Variants in AGBL1 observed in about 807,000 individuals in gnomAD.
AGBL1 encodes AGBL carboxypeptidase 1.
A neutral mutation model predicts 118.9 loss-of-function variants in AGBL1; 130 were observed. That is an observed-to-expected ratio of 1.09 (90% confidence interval 0.95 to 1.26). The LOEUF (loss-of-function observed/expected upper bound fraction) is 1.26. AGBL1 is among the 50% of genes most tolerant of loss of function. AGBL1 has a pLI of 0.00. For missense variants in AGBL1, 1,584 were observed against 1,298.1 expected (o/e 1.22, Z -3.38); for synonymous variants, 555 against 478.9 (o/e 1.16, Z -2.08).
intron 23 of AGBL1, among the ~76,000 whole-genome samples, chr15:86,962,434 T>C (rs1021947350): frequency 6.6e-6 from 1 of 152,126 alleles, no homozygotes; most frequent in Admixed American, 6.6e-5. Flanking sequence ...AACATCTTTT[T>C]TTTAATCATA....
chr15:86,745,583 G>A (rs1443811428), intron 22 of AGBL1, among the ~76,000 whole-genome samples: 1 of 151,936 alleles, frequency 6.6e-6, no homozygotes, highest in African/African-American at 2.4e-5. Context: ...GGCATTGAGG[G>A]CCTGGCATTT....
chr15:86,110,474 G>A (rs573972358), intron 1 of AGBL1, among the ~76,000 whole-genome samples: 2 of 152,178 alleles, frequency 1.3e-5, no homozygotes, highest in African/African-American at 2.4e-5. Flanking sequence ...TCATCTTAAG[G>A]GTCTTCATCC....
intron 23 of AGBL1, among the ~76,000 whole-genome samples, chr15:86,975,415 C>T (rs546501993): frequency 6.6e-6 from 1 of 152,168 alleles, no homozygotes; most frequent in East Asian, 1.9e-4. Flanking sequence ...GAGAAAGACC[C>T]ATCCCCATGA....
At chr15:86,812,055 G>T (rs542721530) in intron 22 of AGBL1, among the ~76,000 whole-genome samples, 1 of 152,160 alleles carries the variant, frequency 6.6e-6, no homozygotes, top group Admixed American at 6.5e-5. Context: ...AAATGGTTTG[G>T]GTTGTAATGT....
chr15:86,848,446 A>C (rs2079350528), intron 22 of AGBL1, among the ~76,000 whole-genome samples: 1 of 152,204 alleles, frequency 6.6e-6, no homozygotes, highest in Non-Finnish European at 1.5e-5. Context: ...TTTCCTCATT[A>C]ATTAGACATG....
intron 5 of AGBL1, among the ~76,000 whole-genome samples, chr15:86,183,755 A>G (rs1337238933): frequency 6.6e-6 from 1 of 152,204 alleles, no homozygotes; most frequent in Non-Finnish European, 1.5e-5. Context: ...TTCAGGCCAA[A>G]TGAATCCCCC....
intron 19 of AGBL1, among the ~76,000 whole-genome samples, chr15:86,542,202 T>G (rs1567048291): frequency 6.6e-6 from 1 of 152,208 alleles, no homozygotes; most frequent in Admixed American, 6.5e-5. Context: ...CTCTAGGAGA[T>G]AGAAATGTAT....
intron 24 of AGBL1, among the ~76,000 whole-genome samples, chr15:86,996,601 C>G (rs893893060): frequency 2.0e-5 from 3 of 152,132 alleles, no homozygotes; most frequent in African/African-American, 7.2e-5. Flanking sequence ...GACCTTGTCT[C>G]AAAGCATATA....
At chr15:86,137,382 G>A (rs2076903098) in intron 1 of AGBL1, among the ~76,000 whole-genome samples, 1 of 152,172 alleles carries the variant, frequency 6.6e-6, no homozygotes, top group East Asian at 1.9e-4. Flanking sequence ...TGGGAAGAGA[G>A]CACGTGGAGG....
At chr15:86,099,690 A>G (rs1896595923) in intron 1 of AGBL1, among the ~76,000 whole-genome samples, 1 of 151,862 alleles carries the variant, frequency 6.6e-6, no homozygotes, top group Non-Finnish European at 1.5e-5. Context: ...TTGTATTTTT[A>G]GTAGAGATAG....
chr15:86,230,949 T>C (rs2078445685), intron 6 of AGBL1, among the ~76,000 whole-genome samples: 1 of 152,134 alleles, frequency 6.6e-6, no homozygotes, highest in Non-Finnish European at 1.5e-5. Flanking sequence ...CTATTGATCT[T>C]ACCTCCCCCA....
Position 86,264,374 on chromosome 15 carries a change from C to T in AGBL1, c.1203C>T (p.Ser401=), listed in dbSNP as rs778646291. Reference sequence around the variant, plus strand: ...AGCATTGCTACAGCAAGGACCAAAGCTCCTGTGGGCAAGAAAGAGAATATG... The same window carrying T: ...AGCATTGCTACAGCAAGGACCAAAGTTCCTGTGGGCAAGAAAGAGAATATG... The part of the protein sequence containing the change: ...SKQHCYSKDQ[S]SCGQEREYAV... Residue 401 remains serine (S), a synonymous_variant, in exon 11 of 23, where the codon AGC becomes AGT. Transcript: ENST00000614907. The T allele has an allele frequency of 5.0e-6, 8 of 1,613,764 alleles. No homozygotes were observed. The highest frequency in any genetic ancestry group is 6.8e-6 in the Non-Finnish European group (8 of 1,179,798).
intron 17 of AGBL1, among the ~76,000 whole-genome samples, chr15:86,389,206 A>T (rs2081242078): frequency 6.6e-6 from 1 of 152,196 alleles, no homozygotes; most frequent in African/African-American, 2.4e-5. Flanking sequence ...ATTTCGATAA[A>T]AGTTTTTTTC....
At chr15:86,586,817 G>C (rs2084255622) in intron 21 of AGBL1, among the ~76,000 whole-genome samples, 1 of 152,082 alleles carries the variant, frequency 6.6e-6, no homozygotes, top group Non-Finnish European at 1.5e-5. Flanking sequence ...GTTAAGCTTT[G>C]TTTAAAAACT....
chr15:86,238,107 A>C (rs540187092), intron 6 of AGBL1, among the ~76,000 whole-genome samples: 1 of 152,040 alleles, frequency 6.6e-6, no homozygotes, highest in African/African-American at 2.4e-5. Context: ...TAAAGCAGCC[A>C]CCCTACCTCA....
chr15:86,712,876 T>C (rs2086582600), intron 22 of AGBL1, among the ~76,000 whole-genome samples: 1 of 152,160 alleles, frequency 6.6e-6, no homozygotes, highest in African/African-American at 2.4e-5. Context: ...TTAAGCACCC[T>C]CTGGGATGGG....
intron 18 of AGBL1, among the ~76,000 whole-genome samples, chr15:86,453,680 C>T (rs374197845): frequency 6.6e-6 from 1 of 152,216 alleles, no homozygotes; most frequent in Non-Finnish European, 1.5e-5. Flanking sequence ...GTGCCTGACC[C>T]TAAAATAACT....
chr15:86,892,001 C>T (rs371073901), intron 22 of AGBL1, among the ~76,000 whole-genome samples: 1 of 152,198 alleles, frequency 6.6e-6, no homozygotes, highest in Non-Finnish European at 1.5e-5. Flanking sequence ...TGACCATACT[C>T]TCAGTGAACC....
chr15:86,246,474 A>G (rs1043610769), intron 6 of AGBL1, among the ~76,000 whole-genome samples: 4 of 152,070 alleles, frequency 2.6e-5, no homozygotes, highest in African/African-American at 9.7e-5. Context: ...GGGGTTATGG[A>G]CTGGGCAGTT....
Sources: gnomAD v4.1 joint callset for allele counts (sites outside exome capture counted in the v4.1 genomes callset) on GRCh38, gnomAD v4.1.1 for gene constraint, MANE v1.5 for transcripts, NCBI Gene and HGNC (gene_info 2026-07-23, HGNC 2026-07-21) for gene names.